Variants in SLC45A3 observed in about 807,000 individuals in gnomAD.
The protein encoded by SLC45A3 is prostate cancer associated protein 2.
SLC45A3 carries 17 observed loss-of-function variants against 35.3 expected under a neutral mutation model. The observed-to-expected ratio is 0.48, with a 90% CI of 0.33 to 0.72. The LOEUF (loss-of-function observed/expected upper bound fraction) is 0.72, where lower values mean the gene tolerates loss of function less well. SLC45A3 is among the 30% of genes least tolerant of loss of function. SLC45A3 has a pLI of 0.02. For missense variants in SLC45A3, 597 were observed against 731.7 expected, an observed-to-expected ratio of 0.82 and a Z score of 2.12; for synonymous variants, 288 against 334.3, an observed-to-expected ratio of 0.86 and a Z score of 1.51.
rs1671120538 is a variant in SLC45A3 at position 205,666,545 on chromosome 1, G to A, written c.-230-1659C>T. 1.3e-5 allele frequency among the ~76,000 whole-genome samples: 2 copies of A among 152,280 alleles called. No homozygotes were observed. Among genetic ancestry groups the A allele is most frequent in the Admixed American group, 6.5e-5 (1 of 15,292 alleles). ...TGGCTATCAGTCCTGGGTAAGGTCT[G>A]TTCACTCCACCACCACCTTCAGGGG... On this transcript the variant is annotated intron_variant, in intron 1 of 4. Transcript: ENST00000367145. The surrounding 1 kb of genome is among the most constrained non-coding windows in gnomAD (Gnocchi z 4.1).
chr1:205,667,176 CT>C (rs1230354086), intron 1 of SLC45A3, among the ~76,000 whole-genome samples: 1 of 152,120 alleles, frequency 6.6e-6, no homozygotes, highest in Non-Finnish European at 1.5e-5. Flanking sequence ...TAAGAACAGC[CT>C]GGGCAACATA....
rs1671080382 is a variant in SLC45A3 at position 205,664,324 on chromosome 1, C to G, written c.172+161G>C. ...ATGTCCTTGGTATTCTCTTCTTTCTCTTGGTGTGCCCCCTCAGCCCAGGGT... is the reference window on the plus strand; with the variant it reads ...ATGTCCTTGGTATTCTCTTCTTTCTGTTGGTGTGCCCCCTCAGCCCAGGGT... On this transcript the variant is annotated intron_variant, in intron 2 of 4. Coordinates refer to ENST00000367145, the MANE Select transcript of SLC45A3 (RefSeq NM_033102.3). This position sits in a 1 kb window ranked among gnomAD's most constrained non-coding sequence, Gnocchi z 5.3. Among the ~76,000 whole-genome samples, 1 of 152,170 alleles carries G rather than the reference C, an allele frequency of 6.6e-6. No individual in the cohort carries two copies. Among genetic ancestry groups the G allele is most frequent in the Non-Finnish European group, 1.5e-5 (1 of 68,022 alleles).
At chr1:205,670,174 A>G (rs920865137) in intron 1 of SLC45A3, among the ~76,000 whole-genome samples, 5 of 152,330 alleles carry the variant, frequency 3.3e-5, no homozygotes, top group Admixed American at 6.5e-5. Context: ...ACTAGCCAGG[A>G]GACCTGGAAA....
At position 205,663,031 on chromosome 1, in the gene SLC45A3, C is replaced by T. The variant is rs759535515; in HGVS notation, c.760G>A (p.Gly254Ser). The change falls in exon 3 of 5, where the codon GGC becomes AGC. Residue 254 changes from glycine (G) to serine (S), a missense_variant. Transcript: ENST00000367145. ...TGGTGCAGCCGGGGAAGCAGGGCGC[C>T]CAGGTTCCGGAAAGCCAAGCGGGCC... ...CRARLAFRNL[G>S]ALLPRLHQLC... 1 of 1,610,076 alleles carries T rather than the reference C, an allele frequency of 6.2e-7. No individual in the cohort carries two copies. Among genetic ancestry groups the T allele is most frequent in the East Asian group, 2.2e-5 (1 of 44,718 alleles).
In SLC45A3 at chr1:205,664,534, A is replaced by T. The variant is rs779141613; in HGVS notation, c.123T>A (p.Pro41=). 3.1e-6 allele frequency: 5 copies of T among 1,614,186 alleles called. No individual in the cohort carries two copies. The South Asian group carries it at 5.5e-5, about 18-fold the overall frequency. The change falls in exon 2 of 5, where the codon CCT becomes CCA. Residue 41 remains proline, a synonymous_variant. Coordinates refer to ENST00000367145, the MANE Select transcript of SLC45A3 (RefSeq NM_033102.3). This position sits in a 1 kb window ranked among gnomAD's most constrained non-coding sequence, Gnocchi z 5.3. ...CLAAGITYVP[P]LLLEVGVEEK... is the part of the protein sequence containing the mutation. ...CCTCTACCCCCACTTCCAGCAGCAGAGGCGGCACATAGGTGATGCCTGCGG... is the reference window on the plus strand; with the variant it reads ...CCTCTACCCCCACTTCCAGCAGCAGTGGCGGCACATAGGTGATGCCTGCGG...
In SLC45A3 at chr1:205,659,794, G is replaced by C; in HGVS notation, c.1225-123C>G. 1 of 920,946 alleles carries C rather than the reference G, an allele frequency of 1.1e-6. No homozygotes were observed. Among genetic ancestry groups the C allele is most frequent in the Non-Finnish European group, 1.6e-6 (1 of 640,548 alleles). The allele number at this position is 920,946 out of a possible 1,614,324, so 57.0% of individuals were successfully genotyped here. ...GGGCAATGGGACTTCATGAGAATCA[G>C]GAGCAGGAGAGAAGATGGAGACCCT... On this transcript the variant is annotated intron_variant, in intron 4 of 4. Coordinates refer to ENST00000367145, the MANE Select transcript of SLC45A3 (RefSeq NM_033102.3). This position sits in a 1 kb window ranked among gnomAD's most constrained non-coding sequence, Gnocchi z 5.8.
chr1:205,666,687 C>T lies in SLC45A3; in HGVS notation c.-230-1801G>A, dbSNP rs552870634. Among the ~76,000 whole-genome samples, 7 of 152,342 alleles carry T rather than the reference C, an allele frequency of 4.6e-5. 1 individual carries two copies. In the East Asian group the frequency reaches 9.6e-4, roughly 21 times the overall value. On this transcript the variant is annotated intron_variant, in intron 1 of 4. Coordinates refer to ENST00000367145, the MANE Select transcript of SLC45A3 (RefSeq NM_033102.3). This position sits in a 1 kb window ranked among gnomAD's most constrained non-coding sequence, Gnocchi z 4.1. ...TTGGGATGGGGCACACGGCCTCCTA[C>T]GGAGGTGGCATGAGAAGGGGTGTAA...
chr1:205,677,616 C>T (rs1449043146), intron 1 of SLC45A3, among the ~76,000 whole-genome samples: 1 of 152,166 alleles, frequency 6.6e-6, no homozygotes, highest in Non-Finnish European at 1.5e-5. Flanking sequence ...AACGGACTCC[C>T]CAAAGTCCAG....
chr1:205,673,428 C>T (rs1471502491), intron 1 of SLC45A3, among the ~76,000 whole-genome samples: 1 of 152,230 alleles, frequency 6.6e-6, no homozygotes, highest in African/African-American at 2.4e-5. Flanking sequence ...TTTCCTCCTA[C>T]TGAACTTGAA....
chr1:205,662,284 G>T lies in SLC45A3; in HGVS notation c.959-158C>A. 7.0e-7 allele frequency: 1 copy of T among 1,431,434 alleles called. No individual in the cohort carries two copies. The allele number at this position is 1,431,434 out of a possible 1,614,324, so 88.7% of individuals were successfully genotyped here. A position where few individuals can be genotyped will look rare whatever the true frequency, so the allele number is the denominator to read the frequency against. ...CCTTCCCCTTTCTACCTCTAGCAAT[G>T]GGAGTCTAGGTTCTTCCACTGACCC... On this transcript the variant is annotated intron_variant, in intron 3 of 4. Coordinates refer to ENST00000367145, the MANE Select transcript of SLC45A3 (RefSeq NM_033102.3). This position sits in a 1 kb window ranked among gnomAD's most constrained non-coding sequence, Gnocchi z 6.2.
Position 205,662,535 on chromosome 1 carries a change from G to T in SLC45A3, c.958+298C>A. 8.5e-6 allele frequency: 11 copies of T among 1,293,510 alleles called. No individual in the cohort carries two copies. The highest frequency in any genetic ancestry group is 1.1e-5 in the Non-Finnish European group (11 of 1,022,456). 80.1% of individuals were successfully genotyped at this position (1,293,510 alleles called of 1,614,324 possible). A position where few individuals can be genotyped will look rare whatever the true frequency, so the allele number is the denominator to read the frequency against. On this transcript the variant is annotated intron_variant, in intron 3 of 4. Transcript: ENST00000367145. This position sits in a 1 kb window ranked among gnomAD's most constrained non-coding sequence, Gnocchi z 6.2. ...ACTGCGGCTGGAACCAGGCAGATCT[G>T]AAATCCAGCCTTAACTCCTCCACTC...
chr1:205,672,014 C>T (rs1671225710), intron 1 of SLC45A3, among the ~76,000 whole-genome samples: 1 of 152,202 alleles, frequency 6.6e-6, no homozygotes, highest in South Asian at 2.1e-4. Context: ...TTAGTATACC[C>T]ATTTTACAGG....
chr1:205,661,822 C>T, intron 4 of SLC45A3, 39 bp downstream of exon 4: 2 of 1,580,844 alleles, frequency 1.3e-6, no homozygotes, highest in Non-Finnish European at 1.7e-6. Flanking sequence ...ACCCAGACCA[C>T]CCCTCCCACC....
At position 205,663,636 on chromosome 1, in the gene SLC45A3, G is replaced by A; in HGVS notation, c.173-18C>T. 2 of 1,544,038 alleles carry A rather than the reference G, an allele frequency of 1.3e-6. No homozygotes were observed. The highest frequency in any genetic ancestry group is 1.7e-6 in the Non-Finnish European group (2 of 1,150,988). On this transcript the variant is annotated intron_variant, in intron 2 of 4. Coordinates refer to ENST00000367145, the MANE Select transcript of SLC45A3 (RefSeq NM_033102.3). ...ACCAATGCCTGCAAGAAGGGAAGTAGTATGAGTCAATGGCTGGGACAAGTA... is the reference window on the plus strand; with the variant it reads ...ACCAATGCCTGCAAGAAGGGAAGTAATATGAGTCAATGGCTGGGACAAGTA...
chr1:205,668,855 G>A (rs1671160286), intron 1 of SLC45A3, among the ~76,000 whole-genome samples: 2 of 152,096 alleles, frequency 1.3e-5, no homozygotes, highest in Non-Finnish European at 2.9e-5. Context: ...GAACCTTTCT[G>A]GAGCTCTGCC....
Position 205,659,335 on chromosome 1 carries a change from T to A in SLC45A3, c.1561A>T (p.Thr521Ser). 1 of 1,614,154 alleles carries A rather than the reference T, an allele frequency of 6.2e-7. No homozygotes were observed. ...CCTGCGGCAGACACCATATAGGCAG[T>A]GACAGACTGGCTGAGCTGGACAATG... The part of the protein sequence containing the change: ...GSIVQLSQSV[T>S]AYMVSAAGLG... The change falls in exon 5 of 5, where the codon ACT (threonine) becomes TCT (serine). Residue 521 changes from threonine (T) to serine (S), a missense_variant. By Grantham distance (58) the Thr-to-Ser change is moderately conservative. Transcript: ENST00000367145. This position sits in a 1 kb window ranked among gnomAD's most constrained non-coding sequence, Gnocchi z 5.8.
Position 205,666,906 on chromosome 1 carries a change from T to C in SLC45A3, c.-230-2020A>G, listed in dbSNP as rs1671128319. ...AGGGAGGGGTTCTGCGGCCAAAGGC[T>C]TCCAGCCCATTCCACTCCCCACCCT... On this transcript the variant is annotated intron_variant, in intron 1 of 4. Coordinates refer to ENST00000367145, the MANE Select transcript of SLC45A3 (RefSeq NM_033102.3). The surrounding 1 kb of genome is among the most constrained non-coding windows in gnomAD (Gnocchi z 4.1). Among the ~76,000 whole-genome samples the C allele has an allele frequency of 6.6e-6, 1 of 152,146 alleles. No individual in the cohort carries two copies. The highest frequency in any genetic ancestry group is 2.4e-5 in the African/African-American group (1 of 41,446).
rs953311349 is a variant in SLC45A3 at position 205,669,857 on chromosome 1, C to T, written c.-230-4971G>A. 3.3e-5 allele frequency among the ~76,000 whole-genome samples: 5 copies of T among 152,226 alleles called. No individual in the cohort carries two copies. The highest frequency in any genetic ancestry group is 4.4e-5 in the Non-Finnish European group (3 of 68,032). On this transcript the variant is annotated intron_variant, in intron 1 of 4. Transcript: ENST00000367145. This position sits in a 1 kb window ranked among gnomAD's most constrained non-coding sequence, Gnocchi z 4.1. ...GTGGGGTCACCCTGGGCCAACCTCC[C>T]GGACACACACCCCACCAAGGCTGCC...
Position 205,659,036 on chromosome 1 carries a change from T to C in SLC45A3, c.*198A>G, listed in dbSNP as rs953503669. ...CCTCCAGTCAGGCAGCCCTAGAGACTGGGGAGAGAGGAGAGGGACGCCCCA... is the reference window on the plus strand; with the variant it reads ...CCTCCAGTCAGGCAGCCCTAGAGACCGGGGAGAGAGGAGAGGGACGCCCCA... On this transcript the variant is annotated 3_prime_UTR_variant, in exon 5 of 5. Transcript: ENST00000367145. The surrounding 1 kb of genome is among the most constrained non-coding windows in gnomAD (Gnocchi z 5.8). The C allele has an allele frequency of 3.1e-5, 19 of 606,666 alleles. No homozygotes were observed. Among genetic ancestry groups the C allele is most frequent in the Non-Finnish European group, 4.6e-5 (16 of 348,688 alleles). The allele number at this position is 606,666 out of a possible 1,614,324, so 37.6% of individuals were successfully genotyped here. A position where few individuals can be genotyped will look rare whatever the true frequency, so the allele number is the denominator to read the frequency against.
Sources: allele counts gnomAD v4.1 joint callset (sites outside exome capture counted in the v4.1 genomes callset), GRCh38; gene constraint gnomAD v4.1.1; non-coding constraint Gnocchi (gnomAD v3.1); transcripts MANE v1.5; gene names NCBI Gene and HGNC (gene_info 2026-07-23, HGNC 2026-07-21).